TMEM183A: variants seen among roughly 807,000 people sequenced by gnomAD.
TMEM183A encodes the protein chromosome 1 open reading frame 37.
In TMEM183A, 21 loss-of-function variants were observed where a neutral mutation model predicts 46.7. The observed-to-expected ratio is 0.45, with a 90% CI of 0.32 to 0.65. The LOEUF is 0.65. Among genes scored for constraint, TMEM183A ranks in the 30% least tolerant of loss-of-function variants. The pLI is 0.04. For synonymous variants in TMEM183A, 165 were observed against 180.2 expected, an observed-to-expected ratio of 0.92 and a Z score of 0.68; for missense variants, 331 against 481.9, an observed-to-expected ratio of 0.69 and a Z score of 2.93.
At chr1:203,021,027 CTTTT>C (rs869177251) in intron 7 of TMEM183A, 79 bp downstream of exon 7, 1,264 of 694,942 alleles carry the variant, frequency 1.8e-3, no homozygotes, top group East Asian at 4.4e-3. Flanking sequence ...AACCGCAGCT[CTTTT>C]TTTTTTTTTT....
chr1:203,018,810 G>A (rs1490958385), intron 6 of TMEM183A, among the ~76,000 whole-genome samples: 1 of 152,180 alleles, frequency 6.6e-6, no homozygotes, highest in Non-Finnish European at 1.5e-5. Flanking sequence ...CCTTCAGAGG[G>A]GAGGAACACT....
chr1:203,007,649 G>A lies in TMEM183A; in HGVS notation c.109+75G>A, dbSNP rs1054051706. ...GGAGGGGGCTGGACCGTGCCGAGGT[G>A]AGCGCTCGCGTGCCCGCGGCTGGAG... On this transcript the variant is annotated intron_variant, in intron 1 of 7. Transcript: ENST00000367242. 2.0e-5 allele frequency: 31 copies of A among 1,530,802 alleles called. No homozygotes were observed. In the African/African-American group the frequency reaches 3.6e-4, roughly 18 times the overall value. 94.8% of individuals were successfully genotyped at this position (1,530,802 alleles called of 1,614,324 possible). A position where few individuals can be genotyped will look rare whatever the true frequency, so the allele number is the denominator to read the frequency against.
intron 3 of TMEM183A, among the ~76,000 whole-genome samples, chr1:203,012,392 G>C (rs1656744524): frequency 6.6e-6 from 1 of 152,206 alleles, no homozygotes; most frequent in South Asian, 2.1e-4. Flanking sequence ...ATTTCTCAAT[G>C]TTATTAAAAT....
chr1:203,013,290 CT>C lies in TMEM183A; in HGVS notation c.368-1594del, dbSNP rs36026867. Among the ~76,000 whole-genome samples the C allele has an allele frequency of 6.6e-6, 1 of 152,076 alleles. No homozygotes were observed. The highest frequency in any genetic ancestry group is 1.5e-5 in the Non-Finnish European group (1 of 68,010). Reference sequence around the variant, plus strand: ...CAACTTTGGGGAGATGGTGTAGGGGCTTTTTCCCCAGGAAGGAAGAAAGCTG... The same window carrying C: ...CAACTTTGGGGAGATGGTGTAGGGGCTTTTCCCCAGGAAGGAAGAAAGCTG... On this transcript the variant is annotated intron_variant, in intron 3 of 7. Transcript: ENST00000367242. The surrounding 1 kb of genome is among the most constrained non-coding windows in gnomAD (Gnocchi z 4.0).
At chr1:203,012,235 T>A (rs1267202079) in intron 3 of TMEM183A, among the ~76,000 whole-genome samples, 1 of 80,790 alleles carries the variant, frequency 1.2e-5, no homozygotes, top group Non-Finnish European at 2.4e-5. Flanking sequence ...CCCCACTCCA[T>A]CACACACACA....
rs1474472934 is a variant in TMEM183A, at chr1:203,024,705, C to T, written c.*1665C>T. 6.6e-6 allele frequency: 1 copy of T among 152,184 alleles called. No individual in the cohort carries two copies. The highest frequency in any genetic ancestry group is 1.5e-5 in the Non-Finnish European group (1 of 68,040). 9.4% of individuals were successfully genotyped at this position (152,184 alleles called of 1,614,324 possible). ...AGATCTCTACAATTAAAAGTTGCCT[C>T]TTTGAGGCAGGAGGGGAGAAGCACA... On this transcript the variant is annotated 3_prime_UTR_variant, in exon 8 of 8. Coordinates refer to ENST00000367242, the MANE Select transcript of TMEM183A (RefSeq NM_138391.6).
At chr1:203,018,026 C>T (rs1657329506) in intron 5 of TMEM183A, 47 of 885,720 alleles carry the variant, frequency 5.3e-5, no homozygotes, top group Non-Finnish European at 6.2e-5. Context: ...TGGCTGTCTG[C>T]TCCCAGAAGG....
At chr1:203,016,258 A>T (rs1657164008) in intron 5 of TMEM183A, 118 bp downstream of exon 5, 1 of 1,401,664 alleles carries the variant, frequency 7.1e-7, no homozygotes, top group Non-Finnish European at 9.8e-7. Flanking sequence ...CTGCTAGGGG[A>T]CTAATGTAAA....
intron 3 of TMEM183A, among the ~76,000 whole-genome samples, chr1:203,011,454 T>G (rs1307624678): frequency 6.6e-6 from 1 of 152,186 alleles, no homozygotes; most frequent in Non-Finnish European, 1.5e-5. Context: ...TTGACCAGGC[T>G]GGAGTGCAAT....
Position 203,012,235 on chromosome 1 carries a change from TCACACACACACA to T in TMEM183A, c.368-2622_368-2611del, listed in dbSNP as rs56743654. On this transcript the variant is annotated intron_variant, in intron 3 of 7. Coordinates refer to ENST00000367242, the MANE Select transcript of TMEM183A (RefSeq NM_138391.6). ...ACTTCAACCATTACTCCCCACTCCA[TCACACACACACA>T]CACACACACACACACACACACACAC... Among the ~76,000 whole-genome samples, 142 of 80,834 alleles carry T rather than the reference TCACACACACACA, an allele frequency of 1.8e-3. 5 individuals are homozygous for T. Among genetic ancestry groups the T allele is most frequent in the South Asian group, 9.9e-4 (2 of 2,026 alleles). The allele number at this position is 80,834 out of a possible 152,430, so 53.0% of individuals were successfully genotyped here.
chr1:203,016,013 A>C lies in TMEM183A; in HGVS notation c.581A>C (p.Glu194Ala), dbSNP rs1657134611. 1 of 1,614,040 alleles carries C rather than the reference A, an allele frequency of 6.2e-7. No individual in the cohort carries two copies. Among genetic ancestry groups the C allele is most frequent in the African/African-American group, 1.3e-5 (1 of 75,052 alleles). ...LPLRLRPESMEKLRCLRACVI... is the reference protein window; with the variant it reads ...LPLRLRPESMAKLRCLRACVI... ...TTGCGTCTGCGACCAGAGTCAATGG[A>C]GAAGCTGCGCTGTCTCCGGGCTTGT... The change falls in exon 5 of 8, where the codon GAG becomes GCG. Residue 194 changes from glutamate (E) to alanine (A), a missense_variant. Glu to Ala is a moderately radical substitution (Grantham distance 107). Coordinates refer to ENST00000367242, the MANE Select transcript of TMEM183A (RefSeq NM_138391.6).
intron 5 of TMEM183A, chr1:203,017,805 G>A (rs1657310237): frequency 1.0e-6 from 1 of 985,906 alleles, no homozygotes; most frequent in Non-Finnish European, 1.2e-6. Context: ...CAGCAGAAGT[G>A]TTTTCCCCTT....
Position 203,008,705 on chromosome 1 carries a change from G to T in TMEM183A, c.262G>T (p.Gly88Cys). ...TGCAGAGGAAGCTCTTTCTGGGGCT[G>T]GTGAGCCCTGTGACATCATCGACAG... is the stretch of plus-strand genomic sequence containing the variant. ...VPAEEALSGA[G>C]EPCDIIDSSD... The change falls in exon 3 of 8, where the codon GGT (glycine) becomes TGT (cysteine). Residue 88 changes from glycine (G) to cysteine (C), a missense_variant. By Grantham distance (159) the Gly-to-Cys change is radical. This residue lies in a region of TMEM183A where 233 missense variants were observed against 385.8 expected (regional missense o/e 0.60). Coordinates refer to ENST00000367242, the MANE Select transcript of TMEM183A (RefSeq NM_138391.6). 1 of 1,607,836 alleles carries T rather than the reference G, an allele frequency of 6.2e-7. No individual in the cohort carries two copies. Among genetic ancestry groups the T allele is most frequent in the Middle Eastern group, 1.7e-4 (1 of 6,026 alleles).
rs150847027 is a variant in TMEM183A at position 203,020,912 on chromosome 1, C to G, written c.909C>G (p.Ile303Met). ...TGCAGGTCACCACCCTCAATTTCAT[C>G]TTTATTCCGATTGTCATGGGAATGA... is the stretch of plus-strand genomic sequence containing the variant. The part of the protein sequence containing the change: ...CLLQVTTLNF[I>M]FIPIVMGMIF... The change falls in exon 7 of 8, where the codon ATC becomes ATG. Residue 303 changes from isoleucine (I) to methionine (M), a missense_variant. Transcript: ENST00000367242. 6.2e-7 allele frequency: 1 copy of G among 1,605,890 alleles called. No individual in the cohort carries two copies. Among genetic ancestry groups the G allele is most frequent in the African/African-American group, 1.4e-5 (1 of 73,984 alleles).
intron 4 of TMEM183A, 44 bp downstream of exon 4, chr1:203,015,092 T>G (rs770626018): frequency 6.2e-7 from 1 of 1,601,830 alleles, no homozygotes; most frequent in South Asian, 1.1e-5. Context: ...GTGGCTGATT[T>G]CATTACTGTT....
At chr1:203,012,008 A>G (rs535173463) in intron 3 of TMEM183A, among the ~76,000 whole-genome samples, 3 of 151,704 alleles carry the variant, frequency 2.0e-5, no homozygotes, top group South Asian at 4.1e-4. Flanking sequence ...ATAACTCCAT[A>G]TAACTATTCC....
At chr1:203,009,292 A>G (rs1420806856) in intron 3 of TMEM183A, among the ~76,000 whole-genome samples, 1 of 152,230 alleles carries the variant, frequency 6.6e-6, no homozygotes, top group Non-Finnish European at 1.5e-5. Flanking sequence ...TGTCTGCTTT[A>G]TGTCTAATAA....
intron 5 of TMEM183A, among the ~76,000 whole-genome samples, chr1:203,017,416 A>G (rs1304270645): frequency 6.6e-6 from 1 of 152,202 alleles, no homozygotes; most frequent in African/African-American, 2.4e-5. Flanking sequence ...GCACAATGCA[A>G]GTGCTACTGC....
At chr1:203,017,822 A>C in intron 5 of TMEM183A, 1 of 985,972 alleles carries the variant, frequency 1.0e-6, no homozygotes, top group East Asian at 1.1e-4. Flanking sequence ...CCTTAAAGCC[A>C]AGCCCATTAA....
Sources: allele counts gnomAD v4.1 joint callset (sites outside exome capture counted in the v4.1 genomes callset), GRCh38; gene constraint gnomAD v4.1.1; regional missense constraint gnomAD v4.1.1; non-coding constraint Gnocchi (gnomAD v3.1); transcripts MANE v1.5; gene names NCBI Gene and HGNC (gene_info 2026-07-23, HGNC 2026-07-21).